PDE4DIP: variants seen among roughly 807,000 people sequenced by gnomAD.
The protein encoded by PDE4DIP is myomegalin.
Under a neutral mutation model 221.4 loss-of-function variants are expected in PDE4DIP, and 59 were observed. The observed-to-expected ratio is 0.27, with a 90% CI of 0.22 to 0.33. The LOEUF is 0.33. Ranked by LOEUF, PDE4DIP falls within the 10% of genes least tolerant of loss-of-function variation. The probability of loss-of-function intolerance (pLI) is 1.00; values close to 1 mark genes in which losing one functional copy is unlikely to be tolerated. For synonymous variants in PDE4DIP, 404 were observed against 815.9 expected, an observed-to-expected ratio of 0.50 and a Z score of 8.60; for missense variants, 1,036 against 2,154.2, an observed-to-expected ratio of 0.48 and a Z score of 10.28.
intron 17 of PDE4DIP, among the ~76,000 whole-genome samples, chr1:148,976,386 C>T (rs1336065147): frequency 6.6e-6 from 1 of 152,338 alleles, no homozygotes; most frequent in African/African-American, 2.4e-5. Context: ...CTAGCCAGCC[C>T]TGTGATTTTT....
chr1:148,907,044 C>T (rs1197865934), intron 1 of PDE4DIP, among the ~76,000 whole-genome samples: 2 of 151,398 alleles, frequency 1.3e-5, no homozygotes, highest in African/African-American at 4.9e-5. Context: ...AGTGAAACTC[C>T]ATCTCAAAAA....
intron 19 of PDE4DIP, among the ~76,000 whole-genome samples, chr1:148,979,258 A>T (rs2060708427): frequency 6.6e-6 from 1 of 152,200 alleles, no homozygotes; most frequent in Non-Finnish European, 1.5e-5. Flanking sequence ...GTCATAGCTC[A>T]TTATCTTTAT....
intron 4 of PDE4DIP, among the ~76,000 whole-genome samples, chr1:148,934,107 G>A (rs1371584767): frequency 6.7e-6 from 1 of 148,184 alleles, no homozygotes; most frequent in Non-Finnish European, 1.5e-5. Context: ...TTTTCCTTCT[G>A]TGGGAAACAT....
chr1:148,963,133 C>G (rs2057338974), intron 9 of PDE4DIP, among the ~76,000 whole-genome samples: 1 of 152,218 alleles, frequency 6.6e-6, no homozygotes, highest in Admixed American at 6.5e-5. Flanking sequence ...ACCTCGTGAT[C>G]TGCCCACCTT....
At chr1:148,945,262 T>A (rs1323356417) in intron 5 of PDE4DIP, among the ~76,000 whole-genome samples, 3 of 152,282 alleles carry the variant, frequency 2.0e-5, no homozygotes, top group South Asian at 4.1e-4. Context: ...ACACAACACA[T>A]AAGAATGAAC....
intron 16 of PDE4DIP, among the ~76,000 whole-genome samples, chr1:148,973,267 C>G (rs2059546408): frequency 2.0e-5 from 3 of 151,942 alleles, no homozygotes; most frequent in Non-Finnish European, 4.4e-5. Flanking sequence ...GTAGCTGGGA[C>G]TACAGGCGCC....
intron 1 of PDE4DIP, among the ~76,000 whole-genome samples, chr1:148,896,709 TAGAG>T (rs1459361135): frequency 1.7e-5 from 1 of 57,654 alleles, no homozygotes; most frequent in Non-Finnish European, 3.6e-5. Flanking sequence ...TTGGCAGAAA[TAGAG>T]GGAATCCATC....
intron 4 of PDE4DIP, among the ~76,000 whole-genome samples, chr1:148,937,447 C>A (rs1364237866): frequency 1.3e-5 from 2 of 152,070 alleles, no homozygotes; most frequent in Non-Finnish European, 1.5e-5. Context: ...CTACCACCAC[C>A]ACCAAAAAAT....
chr1:148,820,646 T>C (rs10910729), intron 1 of PDE4DIP, among the ~76,000 whole-genome samples: 1 of 148,846 alleles, frequency 6.7e-6, no homozygotes, highest in Non-Finnish European at 1.5e-5. Flanking sequence ...ACTTTTGTTT[T>C]GTTTTGGGTT....
At chr1:149,025,433 T>C (rs1628482) in intron 38 of PDE4DIP, among the ~76,000 whole-genome samples, 27 of 152,076 alleles carry the variant, frequency 1.8e-4, no homozygotes, top group Non-Finnish European at 2.9e-4. Context: ...TTTCGGGTGG[T>C]CATCATTCGC....
intron 1 of PDE4DIP, among the ~76,000 whole-genome samples, chr1:148,927,928 T>C (rs1277203393): frequency 6.9e-6 from 1 of 144,920 alleles, no homozygotes; most frequent in African/African-American, 2.5e-5. Context: ...TCTTTGGTCC[T>C]CCCTCCAGTC....
chr1:149,028,610 G>C, exon 41 of PDE4DIP: 1 of 1,609,690 alleles, frequency 6.2e-7, no homozygotes, highest in Non-Finnish European at 8.5e-7. Context: ...CCAGTGCCCT[G>C]CACCATGCCC....
intron 16 of PDE4DIP, among the ~76,000 whole-genome samples, chr1:148,973,203 G>A (rs587647716): frequency 4.0e-5 from 6 of 149,036 alleles, no homozygotes; most frequent in African/African-American, 7.4e-5. Flanking sequence ...ACGGAGTCTC[G>A]CTCTGTCACC....
chr1:148,953,666 A>G (rs782768938), intron 5 of PDE4DIP: 2 of 1,431,616 alleles, frequency 1.4e-6, no homozygotes, highest in South Asian at 2.3e-5. Flanking sequence ...TAGCATGATT[A>G]AAGGTCTTGA....
In PDE4DIP at chr1:148,955,511, A is replaced by G. The variant is rs2055038224; in HGVS notation, c.637-5143A>G. 2.0e-5 allele frequency among the ~76,000 whole-genome samples: 3 copies of G among 152,200 alleles called. No individual in the cohort carries two copies. The South Asian group carries it at 6.2e-4, about 31-fold the overall frequency. On this transcript the variant is annotated intron_variant, in intron 5 of 43. Coordinates refer to ENST00000369354, the Ensembl canonical transcript of PDE4DIP. ...TCAGGCAGTCTCTCAATTTGGAGATATGGAAAGTTCCTTGTTTAACTAACG... is the reference window on the plus strand; with the variant it reads ...TCAGGCAGTCTCTCAATTTGGAGATGTGGAAAGTTCCTTGTTTAACTAACG...
At chr1:148,816,399 AACAGTGT>A (rs1667793745) in intron 1 of PDE4DIP, among the ~76,000 whole-genome samples, 1 of 152,094 alleles carries the variant, frequency 6.6e-6, no homozygotes, top group Non-Finnish European at 1.5e-5. Flanking sequence ...CATTCCCATC[AACAGTGT>A]ACAAGGGTTT....
chr1:148,975,601 T>G (rs1206150900), intron 17 of PDE4DIP, among the ~76,000 whole-genome samples: 7 of 152,248 alleles, frequency 4.6e-5, no homozygotes, highest in African/African-American at 1.7e-4. Flanking sequence ...CATAGAGTTC[T>G]CTTCAATTTT....
intron 1 of PDE4DIP, among the ~76,000 whole-genome samples, chr1:148,861,630 T>A (rs1404504357): frequency 1.1e-5 from 1 of 91,450 alleles, no homozygotes; most frequent in African/African-American, 5.2e-5. Context: ...AAAGCAAAAC[T>A]CTGTCTCAAA....
exon 36 of PDE4DIP, chr1:149,020,162 C>T: frequency 2.2e-6 from 1 of 464,578 alleles, no homozygotes; most frequent in Non-Finnish European, 3.8e-6. Context: ...TCCCAGGAAA[C>T]AGAAAGCCTG....
Sources: gnomAD v4.1 joint callset for allele counts (sites outside exome capture counted in the v4.1 genomes callset) on GRCh38, gnomAD v4.1.1 for gene constraint, MANE v1.5 for transcripts, NCBI Gene and HGNC (gene_info 2026-07-23, HGNC 2026-07-21) for gene names.